Variants in TRDN observed in about 807,000 individuals in gnomAD.
The protein encoded by TRDN is triadin in skeletal muscle.
Under a neutral mutation model 149.7 loss-of-function variants are expected in TRDN, and 161 were observed. The ratio of observed to expected loss-of-function variants is 1.08; its 90% CI spans 0.95 to 1.23. The LOEUF (loss-of-function observed/expected upper bound fraction) is 1.23, where lower values mean the gene tolerates loss of function less well. TRDN is among the 50% of genes most tolerant of loss of function. The probability of loss-of-function intolerance (pLI) is 0.00; values close to 1 mark genes in which losing one functional copy is unlikely to be tolerated. For synonymous variants in TRDN, 294 were observed against 250.5 expected (o/e 1.17, Z -1.64); for missense variants, 896 against 823.5 (o/e 1.09, Z -1.08).
At chr6:123,561,515 A>T (rs1781998551) in intron 2 of TRDN, among the ~76,000 whole-genome samples, 1 of 151,980 alleles carries the variant, frequency 6.6e-6, no homozygotes, top group African/African-American at 2.4e-5. Flanking sequence ...CTTGAACTGC[A>T]CCCCAAAAAC....
intron 24 of TRDN, among the ~76,000 whole-genome samples, chr6:123,307,008 C>T (rs1239316535): frequency 1.3e-5 from 2 of 151,796 alleles, no homozygotes; most frequent in Non-Finnish European, 2.9e-5. Flanking sequence ...TATTTTTAAC[C>T]GTTGCTGGTT....
intron 12 of TRDN, among the ~76,000 whole-genome samples, chr6:123,422,702 T>A (rs572365789): frequency 2.9e-4 from 44 of 152,300 alleles, no homozygotes; most frequent in African/African-American, 9.4e-4. Context: ...ATACAAGTAG[T>A]AATTTAGGTC....
intron 8 of TRDN, among the ~76,000 whole-genome samples, chr6:123,500,498 A>G (rs1583152883): frequency 6.6e-6 from 1 of 152,210 alleles, no homozygotes; most frequent in Admixed American, 6.5e-5. Context: ...ATTATAGCAG[A>G]AAATTTTTCA....
At chr6:123,497,785 C>A (rs1562347506) in intron 8 of TRDN, among the ~76,000 whole-genome samples, 1 of 152,096 alleles carries the variant, frequency 6.6e-6, no homozygotes, top group Non-Finnish European at 1.5e-5. Flanking sequence ...TAAAAATGCT[C>A]TTTAATTGGG....
At chr6:123,633,286 A>AAG (rs1786111833) in intron 1 of TRDN, among the ~76,000 whole-genome samples, 3 of 152,046 alleles carry the variant, frequency 2.0e-5, no homozygotes, top group African/African-American at 7.2e-5. Context: ...TCTGGGCCTG[A>AAG]TTCAACCTAC....
chr6:123,454,199 G>A (rs1358640287), intron 10 of TRDN, among the ~76,000 whole-genome samples: 3 of 151,938 alleles, frequency 2.0e-5, no homozygotes, highest in South Asian at 2.1e-4. Context: ...CGGATGATGG[G>A]TGCACCAAAA....
intron 10 of TRDN, among the ~76,000 whole-genome samples, chr6:123,460,836 C>A (rs1451280577): frequency 2.6e-5 from 4 of 152,012 alleles, no homozygotes; most frequent in Admixed American, 2.6e-4. Context: ...TATACAAATT[C>A]AACTAACTTA....
chr6:123,525,408 A>G (rs1325786003), intron 5 of TRDN, among the ~76,000 whole-genome samples: 1 of 152,138 alleles, frequency 6.6e-6, no homozygotes, highest in Non-Finnish European at 1.5e-5. Flanking sequence ...CTGCAGCAAC[A>G]TGGATAGAGC....
intron 5 of TRDN, among the ~76,000 whole-genome samples, chr6:123,516,742 G>A (rs1779428694): frequency 6.6e-6 from 1 of 151,938 alleles, no homozygotes; most frequent in Admixed American, 6.6e-5. Context: ...AATTTAATAT[G>A]AGCAGTGATC....
At chr6:123,566,297 G>T (rs965435192) in intron 2 of TRDN, among the ~76,000 whole-genome samples, 7 of 152,180 alleles carry the variant, frequency 4.6e-5, no homozygotes, top group African/African-American at 1.7e-4. Flanking sequence ...GAAAAGATAA[G>T]TTCCTAGTCA....
intron 21 of TRDN, among the ~76,000 whole-genome samples, chr6:123,339,168 C>G (rs1036719734): frequency 6.6e-6 from 1 of 151,958 alleles, no homozygotes; most frequent in Non-Finnish European, 1.5e-5. Flanking sequence ...GCATGCCCGG[C>G]TAATTTTTGT....
At chr6:123,339,314 G>T (rs537632831) in intron 21 of TRDN, among the ~76,000 whole-genome samples, 2 of 151,974 alleles carry the variant, frequency 1.3e-5, no homozygotes, top group East Asian at 3.9e-4. Context: ...CATGTATTAG[G>T]TTTTTTTGTT....
At chr6:123,529,248 T>G in intron 5 of TRDN, 1 of 1,548,902 alleles carries the variant, frequency 6.5e-7, no homozygotes, top group South Asian at 1.2e-5. Flanking sequence ...GCCAGTTCAG[T>G]CATGGTTCGC....
rs1324845529 is a variant in TRDN at position 123,217,011 on chromosome 6, T to A, written c.*1590A>T. On this transcript the variant is annotated 3_prime_UTR_variant, in exon 41 of 41. Coordinates refer to ENST00000334268, the MANE Select transcript of TRDN (RefSeq NM_006073.4). ...CTCTCCTACCCACAAGTTTAGATTGTCACCTGAAGGGGCTTTGCAAGATGG... is the reference window on the plus strand; with the variant it reads ...CTCTCCTACCCACAAGTTTAGATTGACACCTGAAGGGGCTTTGCAAGATGG... 1 of 151,998 alleles carries A rather than the reference T, an allele frequency of 6.6e-6. No homozygotes were observed. The highest frequency in any genetic ancestry group is 1.5e-5 in the Non-Finnish European group (1 of 67,964). 9.4% of individuals were successfully genotyped at this position (151,998 alleles called of 1,614,324 possible).
At chr6:123,560,384 T>C (rs1344315912) in intron 2 of TRDN, among the ~76,000 whole-genome samples, 3 of 152,150 alleles carry the variant, frequency 2.0e-5, no homozygotes, top group Non-Finnish European at 4.4e-5. Flanking sequence ...AGCTGTTTTA[T>C]AGGTGAAAGA....
chr6:123,427,503 G>C (rs1005400623), intron 12 of TRDN, among the ~76,000 whole-genome samples: 4 of 152,090 alleles, frequency 2.6e-5, no homozygotes, highest in East Asian at 1.9e-4. Flanking sequence ...ATTCAAGAAA[G>C]ATACCCACTC....
chr6:123,445,396 T>G (rs1234491512), intron 10 of TRDN, among the ~76,000 whole-genome samples: 9 of 123,962 alleles, frequency 7.3e-5, no homozygotes, highest in South Asian at 2.6e-4. Flanking sequence ...GGGATCTAAT[T>G]AAACTAAAGA....
intron 10 of TRDN, among the ~76,000 whole-genome samples, chr6:123,459,619 T>G (rs1184355829): frequency 6.6e-6 from 1 of 152,186 alleles, no homozygotes; most frequent in Admixed American, 6.5e-5. Flanking sequence ...AGTACTATAT[T>G]CATTAAACTC....
rs747107207 is a variant in TRDN, at chr6:123,271,167, C to G, written c.1692G>C (p.Gln564His). Residue 564 changes from glutamine to histidine, a missense_variant, in exon 30 of 41, where the codon CAG (glutamine) becomes CAC (histidine). By Grantham distance (24) the Gln-to-His change is conservative. Coordinates refer to ENST00000334268, the MANE Select transcript of TRDN (RefSeq NM_006073.4). The part of the protein sequence containing the change: ...HGKPEEKVLK[Q>H]VKAVTIEKTA... ...TTTTTTCTATTGTGACAGCTTTTACCTGCTTGAGAACTTTTTCTTCTGTGA... is the reference window on the plus strand; with the variant it reads ...TTTTTTCTATTGTGACAGCTTTTACGTGCTTGAGAACTTTTTCTTCTGTGA... 2 of 1,539,234 alleles carry G rather than the reference C, an allele frequency of 1.3e-6. No homozygotes were observed. The highest frequency in any genetic ancestry group is 1.7e-6 in the Non-Finnish European group (2 of 1,143,184).
Sources: allele counts gnomAD v4.1 joint callset (sites outside exome capture counted in the v4.1 genomes callset), GRCh38; gene constraint gnomAD v4.1.1; transcripts MANE v1.5; gene names NCBI Gene and HGNC (gene_info 2026-07-23, HGNC 2026-07-21).